Variants in TTC7B observed in about 807,000 individuals in gnomAD.
The protein encoded by TTC7B is tetratricopeptide repeat protein 7B.
In TTC7B, 28 loss-of-function variants were observed where a neutral mutation model predicts 106.8. The ratio of observed to expected loss-of-function variants is 0.26; its 90% CI spans 0.19 to 0.36. TTC7B has a LOEUF of 0.36. Ranked by LOEUF, TTC7B falls within the 10% of genes least tolerant of loss-of-function variation. The probability of loss-of-function intolerance (pLI) is 1.00; values close to 1 mark genes in which losing one functional copy is unlikely to be tolerated. For synonymous variants in TTC7B, 405 were observed against 430.6 expected (o/e 0.94, Z 0.74); for missense variants, 862 against 1,076.4 (o/e 0.80, Z 2.79).
Position 90,657,231 on chromosome 14 carries a change from T to C in TTC7B, c.1284A>G (p.Pro428=), listed in dbSNP as rs3742660. The part of the protein sequence containing the change: ...KVLKECIRLK[P]DDATIPLLAA... Reference sequence around the variant, plus strand: ...CGAGGAGAGGGATGGTGGCATCGTCTGGCTTCAGGCGGATACACTCTTTCA... The same window carrying C: ...CGAGGAGAGGGATGGTGGCATCGTCCGGCTTCAGGCGGATACACTCTTTCA... The change falls in exon 11 of 20, where the codon CCA becomes CCG. Residue 428 remains proline, a synonymous_variant. Transcript: ENST00000328459. This position sits in a 1 kb window ranked among gnomAD's most constrained non-coding sequence, Gnocchi z 4.2. 1,412,276 of 1,613,988 alleles carry C rather than the reference T, an allele frequency of 0.88. 618,547 individuals are homozygous for C. Among genetic ancestry groups the C allele is most frequent in the East Asian group, 0.98 (43,768 of 44,850 alleles).
chr14:90,712,006 G>A (rs1211851361), intron 5 of TTC7B, among the ~76,000 whole-genome samples: 2 of 151,932 alleles, frequency 1.3e-5, no homozygotes, highest in East Asian at 3.8e-4. Context: ...ATGTATAAGA[G>A]ATAGAGACAC....
chr14:90,603,445 G>C (rs1026455581), intron 17 of TTC7B: 1 of 474,964 alleles, frequency 2.1e-6, no homozygotes, highest in Non-Finnish European at 3.4e-6. Context: ...TTCCATTCAA[G>C]AGTGGCACAC....
chr14:90,621,486 G>C (rs374433593), intron 15 of TTC7B, among the ~76,000 whole-genome samples: 27 of 152,046 alleles, frequency 1.8e-4, no homozygotes, highest in African/African-American at 6.5e-4. Flanking sequence ...GGTATGGCTG[G>C]AATTATAGGC....
intron 16 of TTC7B, among the ~76,000 whole-genome samples, chr14:90,613,042 C>A (rs560411273): frequency 1.3e-5 from 2 of 152,292 alleles, no homozygotes; most frequent in East Asian, 3.9e-4. Flanking sequence ...ACAGTGTGTA[C>A]GCAACAATCA....
At chr14:90,660,603 C>G (rs1427875848) in intron 9 of TTC7B, among the ~76,000 whole-genome samples, 2 of 151,992 alleles carry the variant, frequency 1.3e-5, no homozygotes, top group Admixed American at 1.3e-4. Context: ...TGCTAGGAGG[C>G]CAGTGCAGGA....
At position 90,535,729 on chromosome 14, in the gene TTC7B, A is replaced by T. The variant is rs1889403599; in HGVS notation, c.*5639T>A. 1 of 152,274 alleles carries T rather than the reference A, an allele frequency of 6.6e-6. No individual in the cohort carries two copies. The highest frequency in any genetic ancestry group is 6.5e-5 in the Admixed American group (1 of 15,288). The allele number at this position is 152,274 out of a possible 1,614,324, so 9.4% of individuals were successfully genotyped here. ...CACCTTAGTCAGCTTGGGCTGCCGTAAGAAAACCGCCACAGACAGGTGGCT... is the reference window on the plus strand; with the variant it reads ...CACCTTAGTCAGCTTGGGCTGCCGTTAGAAAACCGCCACAGACAGGTGGCT... On this transcript the variant is annotated 3_prime_UTR_variant, in exon 20 of 20. Coordinates refer to ENST00000328459, the MANE Select transcript of TTC7B (RefSeq NM_001010854.2).
intron 19 of TTC7B, among the ~76,000 whole-genome samples, chr14:90,555,096 G>A (rs1035032012): frequency 6.6e-6 from 1 of 152,166 alleles, no homozygotes; most frequent in Non-Finnish European, 1.5e-5. Context: ...GTGAAGACCC[G>A]CTTAGGTCTC....
At position 90,728,335 on chromosome 14, in the gene TTC7B, C is replaced by T. The variant is rs531055541; in HGVS notation, c.698+1740G>A. ...CAACATAGCAAGACCTCGTCCCCCC[C>T]GCAAAAAAAAAAAAAAAAAAAAAAA... On this transcript the variant is annotated intron_variant, in intron 5 of 19. Coordinates refer to ENST00000328459, the MANE Select transcript of TTC7B (RefSeq NM_001010854.2). 1.8e-3 allele frequency among the ~76,000 whole-genome samples: 169 copies of T among 94,556 alleles called. 4 individuals carry two copies. The highest frequency in any genetic ancestry group is 7.2e-3 in the African/African-American group (159 of 22,014). 62.0% of individuals were successfully genotyped at this position (94,556 alleles called of 152,430 possible).
rs1422798568 is a variant in TTC7B at position 90,644,227 on chromosome 14, A to G, written c.1591-19T>C. The stretch of plus-strand genomic sequence containing the variant: ...CTGGGATCTGGTTTAAAACAAAACC[A>G]AAAAAGGTTTTACATACACACATGC... On this transcript the variant is annotated intron_variant, in intron 14 of 19. Transcript: ENST00000328459. The G allele has an allele frequency of 6.5e-7, 1 of 1,547,728 alleles. No individual in the cohort carries two copies. The highest frequency in any genetic ancestry group is 8.7e-7 in the Non-Finnish European group (1 of 1,153,588).
intron 7 of TTC7B, among the ~76,000 whole-genome samples, chr14:90,687,720 A>G (rs1649446704): frequency 6.6e-6 from 1 of 152,226 alleles, no homozygotes; most frequent in African/African-American, 2.4e-5. Flanking sequence ...ATGAATCCAG[A>G]TAAGGACTAA....
At chr14:90,606,194 G>A (rs1892631544) in intron 17 of TTC7B, among the ~76,000 whole-genome samples, 1 of 152,204 alleles carries the variant, frequency 6.6e-6, no homozygotes, top group African/African-American at 2.4e-5. Context: ...CCAAGGTGCA[G>A]AGTACTGAGG....
chr14:90,760,195 C>CA, intron 3 of TTC7B, among the ~76,000 whole-genome samples: 1 of 152,032 alleles, frequency 6.6e-6, no homozygotes, highest in Non-Finnish European at 1.5e-5. Flanking sequence ...AGAGATGACT[C>CA]CCAGATGGAT....
chr14:90,642,155 T>C (rs1338993751), intron 15 of TTC7B, among the ~76,000 whole-genome samples: 1 of 152,180 alleles, frequency 6.6e-6, no homozygotes, highest in South Asian at 2.1e-4. Flanking sequence ...AAGAGCAAGT[T>C]TGAGATCTGC....
chr14:90,654,340 A>G (rs1885857095), intron 12 of TTC7B, among the ~76,000 whole-genome samples: 1 of 152,216 alleles, frequency 6.6e-6, no homozygotes, highest in Non-Finnish European at 1.5e-5. Context: ...ATTTAACAAC[A>G]ACATGATAAA....
At position 90,536,628 on chromosome 14, in the gene TTC7B, T is replaced by A. The variant is rs1301573354; in HGVS notation, c.*4740A>T. On this transcript the variant is annotated 3_prime_UTR_variant, in exon 20 of 20. Coordinates refer to ENST00000328459, the MANE Select transcript of TTC7B (RefSeq NM_001010854.2). The stretch of plus-strand genomic sequence containing the variant: ...ACCCAGCTCCATGTGTGAGCAACCC[T>A]CTTGGCTCTGTCTTCAGAATCTTCA... 2 of 152,486 alleles carry A rather than the reference T, an allele frequency of 1.3e-5. No individual in the cohort carries two copies. The highest frequency in any genetic ancestry group is 4.8e-5 in the African/African-American group (2 of 41,430). 9.4% of individuals were successfully genotyped at this position (152,486 alleles called of 1,614,324 possible).
intron 17 of TTC7B, among the ~76,000 whole-genome samples, chr14:90,599,721 A>G (rs1892353514): frequency 1.3e-5 from 2 of 152,254 alleles, no homozygotes; most frequent in Non-Finnish European, 2.9e-5. Context: ...AGTCGTGGGC[A>G]TGCAGAAATC....
chr14:90,771,304 A>C (rs1890855326), intron 3 of TTC7B, among the ~76,000 whole-genome samples: 1 of 152,196 alleles, frequency 6.6e-6, no homozygotes, highest in Admixed American at 6.5e-5. Context: ...CTATTACAAA[A>C]ATATTCATAG....
chr14:90,679,863 G>A (rs993223022), intron 8 of TTC7B, among the ~76,000 whole-genome samples: 1 of 152,204 alleles, frequency 6.6e-6, no homozygotes, highest in Non-Finnish European at 1.5e-5. Flanking sequence ...CTAAGAAAAT[G>A]TTTCAAAGGA....
intron 15 of TTC7B, among the ~76,000 whole-genome samples, chr14:90,625,159 A>G (rs909320572): frequency 1.3e-5 from 2 of 152,224 alleles, no homozygotes; most frequent in Non-Finnish European, 2.9e-5. Flanking sequence ...TAACTTGAGA[A>G]GGCTGTTTGG....
Sources: gnomAD v4.1 joint callset for allele counts (sites outside exome capture counted in the v4.1 genomes callset) on GRCh38, gnomAD v4.1.1 for gene constraint, Gnocchi (gnomAD v3.1) non-coding constraint, MANE v1.5 for transcripts, NCBI Gene and HGNC (gene_info 2026-07-23, HGNC 2026-07-21) for gene names.